Variants in TMEM131 observed in about 807,000 individuals in gnomAD.
The protein encoded by TMEM131 is transmembrane protein 131, also known as 2610524E03Rik.
TMEM131 carries 66 observed loss-of-function variants against 211.6 expected under a neutral mutation model. The ratio of observed to expected loss-of-function variants is 0.31; its 90% CI spans 0.26 to 0.38. The LOEUF is 0.38. Among genes scored for constraint, TMEM131 ranks in the 10% least tolerant of loss-of-function variants. The probability of loss-of-function intolerance (pLI) is 1.00; values close to 1 mark genes in which losing one functional copy is unlikely to be tolerated. For synonymous variants in TMEM131, 844 were observed against 841.3 expected (o/e 1.00, Z -0.06); for missense variants, 2,036 against 2,299.3 (o/e 0.89, Z 2.34).
intron 4 of TMEM131, among the ~76,000 whole-genome samples, chr2:97,859,747 C>T (rs565788827): frequency 1.0e-3 from 154 of 152,304 alleles, no homozygotes; most frequent in African/African-American, 3.5e-3. Flanking sequence ...TACCACCACC[C>T]GGCCTCCTAC....
At chr2:97,983,528 G>A (rs1679893955) in intron 1 of TMEM131, among the ~76,000 whole-genome samples, 1 of 152,142 alleles carries the variant, frequency 6.6e-6, no homozygotes, top group South Asian at 2.1e-4. Context: ...GGAGATGGAG[G>A]CTGCACAAAT....
Position 97,841,958 on chromosome 2 carries a change from A to T in TMEM131, c.601-21T>A, listed in dbSNP as rs185992439. The T allele has an allele frequency of 4.7e-6, 7 of 1,498,780 alleles. No homozygotes were observed. The African/African-American group carries it at 8.4e-5, about 18-fold the overall frequency. The allele number at this position is 1,498,780 out of a possible 1,614,324, so 92.8% of individuals were successfully genotyped here. A position where few individuals can be genotyped will look rare whatever the true frequency, so the allele number is the denominator to read the frequency against. Reference sequence around the variant, plus strand: ...AATACCTGTTTCAGTGGAGGAAAAAAATGCAATTTTAGTTGCTTTTATAAT... The same window carrying T: ...AATACCTGTTTCAGTGGAGGAAAAATATGCAATTTTAGTTGCTTTTATAAT... On this transcript the variant is annotated intron_variant, in intron 6 of 40. Transcript: ENST00000186436.
intron 2 of TMEM131, among the ~76,000 whole-genome samples, chr2:97,922,604 A>T (rs1393670933): frequency 6.6e-6 from 1 of 152,226 alleles, no homozygotes; most frequent in Non-Finnish European, 1.5e-5. Flanking sequence ...TAATGCTGAG[A>T]AAAAGGAGCC....
chr2:97,824,638 G>A (rs1016419467), intron 11 of TMEM131, among the ~76,000 whole-genome samples: 1 of 152,174 alleles, frequency 6.6e-6, no homozygotes, highest in African/African-American at 2.4e-5. Flanking sequence ...TCCCCTACTT[G>A]AGGAGGGAAT....
rs768832158 is a variant in TMEM131 at position 97,792,669 on chromosome 2, C to T, written c.3861G>A (p.Gln1287=). 1 of 1,613,974 alleles carries T rather than the reference C, an allele frequency of 6.2e-7. No individual in the cohort carries two copies. Among genetic ancestry groups the T allele is most frequent in the Non-Finnish European group, 8.5e-7 (1 of 1,179,886 alleles). The change falls in exon 31 of 41, where the codon CAG becomes CAA. Residue 1287 remains glutamine, a synonymous_variant. Transcript: ENST00000186436. ...GRKSKGAKQS[Q]HGSQHHAHSP... is the part of the protein sequence containing the mutation. The stretch of plus-strand genomic sequence containing the variant: ...TGTGGGCATGGTGCTGGCTGCCGTG[C>T]TGGCTCTGCTTTGCCCCTTTGGACT...
intron 1 of TMEM131, among the ~76,000 whole-genome samples, chr2:97,986,544 T>C (rs1217327017): frequency 1.3e-5 from 2 of 152,174 alleles, no homozygotes; most frequent in East Asian, 3.8e-4. Flanking sequence ...TTTTCCTTCC[T>C]ACATCTCTCT....
chr2:97,786,309 G>C (rs13034929), intron 31 of TMEM131, among the ~76,000 whole-genome samples: 40,897 of 151,944 alleles, frequency 0.27, 7,704 homozygotes, highest in Non-Finnish European at 0.39. Context: ...CACTTTGGGA[G>C]GCTGAGGCAG....
intron 2 of TMEM131, among the ~76,000 whole-genome samples, chr2:97,916,060 T>C (rs1318682238): frequency 2.0e-5 from 3 of 152,170 alleles, no homozygotes; most frequent in African/African-American, 4.8e-5. Context: ...ACTACAGGCA[T>C]GTGCCAGCAC....
Position 97,766,590 on chromosome 2 carries a change from T to C in TMEM131, c.4461A>G (p.Leu1487=). 6.2e-7 allele frequency: 1 copy of C among 1,613,914 alleles called. No homozygotes were observed. Among genetic ancestry groups the C allele is most frequent in the Non-Finnish European group, 8.5e-7 (1 of 1,179,826 alleles). ...PTDVKPSSLE[L]PYTPPLESKQ... is the part of the protein sequence containing the mutation. ...TACTTTCCAAAGGGGGAGTATATGG[T>C]AGTTCTAATGAACTGAAAGACAATC... The change falls in exon 34 of 41, where the codon CTA becomes CTG. Residue 1487 remains leucine, a synonymous_variant. Transcript: ENST00000186436.
intron 11 of TMEM131, among the ~76,000 whole-genome samples, chr2:97,832,572 G>A (rs1217670107): frequency 1.3e-5 from 2 of 152,132 alleles, no homozygotes; most frequent in African/African-American, 2.4e-5. Flanking sequence ...TATGGCCATC[G>A]ATGGACAAAG....
intron 5 of TMEM131, among the ~76,000 whole-genome samples, chr2:97,853,009 T>C (rs1414762598): frequency 6.6e-6 from 1 of 152,230 alleles, no homozygotes; most frequent in African/African-American, 2.4e-5. Context: ...TGTTGAGACC[T>C]AATGCTCAGA....
intron 38 of TMEM131, 94 bp downstream of exon 38, chr2:97,760,498 GA>G: frequency 1.0e-5 from 12 of 1,173,798 alleles, no homozygotes; most frequent in Non-Finnish European, 1.5e-5. Context: ...TAAATTAGGG[GA>G]AAAATGCCCT....
At chr2:97,868,567 GGA>G (rs1674364003) in intron 4 of TMEM131, among the ~76,000 whole-genome samples, 1 of 152,126 alleles carries the variant, frequency 6.6e-6, no homozygotes, top group African/African-American at 2.4e-5. Context: ...GGATCCCACA[GGA>G]GAGTTTCTCT....
intron 7 of TMEM131, among the ~76,000 whole-genome samples, chr2:97,841,124 T>A (rs922576162): frequency 6.6e-6 from 1 of 152,178 alleles, no homozygotes; most frequent in Non-Finnish European, 1.5e-5. Flanking sequence ...AGCATTCACA[T>A]CTACTTTTAA....
At chr2:97,839,827 T>C (rs1032590446) in intron 7 of TMEM131, among the ~76,000 whole-genome samples, 22 of 152,254 alleles carry the variant, frequency 1.4e-4, no homozygotes, top group Non-Finnish European at 2.1e-4. Flanking sequence ...TAGCGGCTAC[T>C]GTTTTGGACA....
At chr2:97,892,771 T>A (rs1205076610) in intron 3 of TMEM131, among the ~76,000 whole-genome samples, 8 of 152,222 alleles carry the variant, frequency 5.3e-5, no homozygotes, top group Non-Finnish European at 1.2e-4. Context: ...AACCTTTAAC[T>A]TTTAGACATG....
intron 3 of TMEM131, among the ~76,000 whole-genome samples, chr2:97,894,525 T>C (rs1675520383): frequency 6.6e-6 from 1 of 152,186 alleles, no homozygotes; most frequent in East Asian, 1.9e-4. Context: ...ATGGAAAGTT[T>C]TTCCATTTGT....
intron 1 of TMEM131, among the ~76,000 whole-genome samples, chr2:97,955,307 A>G (rs867607920): frequency 6.6e-6 from 1 of 152,234 alleles, no homozygotes; most frequent in Non-Finnish European, 1.5e-5. Flanking sequence ...TAAAATAGGA[A>G]CAAACTGGAA....
intron 32 of TMEM131, among the ~76,000 whole-genome samples, chr2:97,774,242 A>C (rs1299212585): frequency 3.3e-5 from 5 of 152,256 alleles, no homozygotes; most frequent in African/African-American, 1.2e-4. Context: ...TTTCGAGGAC[A>C]AGGATGTGGC....
Sources: gnomAD v4.1 joint callset for allele counts (sites outside exome capture counted in the v4.1 genomes callset) on GRCh38, gnomAD v4.1.1 for gene constraint, MANE v1.5 for transcripts, NCBI Gene and HGNC (gene_info 2026-07-23, HGNC 2026-07-21) for gene names.